The following MEGF11 variants were observed in gnomAD, a reference collection of about 807,000 sequenced individuals.
MEGF11 encodes the protein multiple EGF like domains 11, also known as multiple epidermal growth factor-like domains protein 11.
In MEGF11, 126 loss-of-function variants were observed where a neutral mutation model predicts 146.6. That is an observed-to-expected ratio of 0.86 (90% CI 0.74 to 1.00). The LOEUF is 1.00. Ranked by LOEUF, MEGF11 falls within the 50% of genes least tolerant of loss-of-function variation. MEGF11 has a pLI of 0.00. For missense variants in MEGF11, 1,509 were observed against 1,521.2 expected (o/e 0.99, Z 0.13); for synonymous variants, 532 against 583.4 (o/e 0.91, Z 1.27).
chr15:65,968,043 GTCTT>G (rs2081171036), intron 8 of MEGF11, among the ~76,000 whole-genome samples: 1 of 152,190 alleles, frequency 6.6e-6, no homozygotes, highest in Admixed American at 6.5e-5. Context: ...ACCCCAGATT[GTCTT>G]TCTGCAAATC....
At chr15:66,175,929 C>T (rs1348778395) in intron 1 of MEGF11, among the ~76,000 whole-genome samples, 1 of 152,090 alleles carries the variant, frequency 6.6e-6, no homozygotes, top group Non-Finnish European at 1.5e-5. Flanking sequence ...GGACAAGGGA[C>T]TAATATCCAG....
At chr15:66,009,050 C>G (rs573571678) in intron 5 of MEGF11, among the ~76,000 whole-genome samples, 1 of 152,146 alleles carries the variant, frequency 6.6e-6, no homozygotes, top group Non-Finnish European at 1.5e-5. Flanking sequence ...GCTTTTCACT[C>G]TTACATTCTA....
intron 9 of MEGF11, among the ~76,000 whole-genome samples, chr15:65,964,270 C>T (rs189591662): frequency 1.1e-3 from 160 of 152,312 alleles, no homozygotes; most frequent in African/African-American, 3.7e-3. Flanking sequence ...CCCGGATGTC[C>T]CCAAGCCACA....
At chr15:66,133,290 G>A (rs2088735187) in intron 1 of MEGF11, among the ~76,000 whole-genome samples, 5 of 152,196 alleles carry the variant, frequency 3.3e-5, no homozygotes, top group Admixed American at 3.3e-4. Context: ...TGAAGCACAG[G>A]CAGTAGCTCA....
At chr15:65,971,438 C>T (rs143832260) in intron 7 of MEGF11, among the ~76,000 whole-genome samples, 24 of 152,256 alleles carry the variant, frequency 1.6e-4, no homozygotes, top group Admixed American at 3.3e-4. Flanking sequence ...AATCTCTGCC[C>T]CCACCTTGAA....
intron 24 of MEGF11, among the ~76,000 whole-genome samples, chr15:65,901,574 A>G (rs897784453): frequency 6.6e-6 from 1 of 151,974 alleles, no homozygotes; most frequent in African/African-American, 2.4e-5. Flanking sequence ...CTTGTTATCC[A>G]GTGCTCCTGT....
chr15:65,911,575 C>A (rs935665767), intron 21 of MEGF11, among the ~76,000 whole-genome samples: 1 of 152,166 alleles, frequency 6.6e-6, no homozygotes, highest in African/African-American at 2.4e-5. Flanking sequence ...CCATGCCCAG[C>A]TAATTTTTTG....
In MEGF11 at chr15:66,221,615, C is replaced by CTTTTTTTTTTTTTTTTTTTTTTTTTTT. The variant is rs1555483660; in HGVS notation, c.-9+31989_-9+31990insAAAAAAAAAAAAAAAAAAAAAAAAAAA. On this transcript the variant is annotated intron_variant, in intron 1 of 25. Coordinates refer to ENST00000395614, the MANE Select transcript of MEGF11 (RefSeq NM_001385028.1). ...GGGGAGGGAGCGGGGACAGACCTCT[C>CTTTTTTTTTTTTTTTTTTTTTTTTTTT]TTTATTTGAGTATATGTCTCTCCAA... is the stretch of plus-strand genomic sequence containing the variant. Among the ~76,000 whole-genome samples the CTTTTTTTTTTTTTTTTTTTTTTTTTTT allele has an allele frequency of 3.1e-4, 46 of 149,690 alleles. 1 individual carries two copies. Among genetic ancestry groups the CTTTTTTTTTTTTTTTTTTTTTTTTTTT allele is most frequent in the African/African-American group, 5.4e-4 (22 of 40,606 alleles).
chr15:66,043,385 A>G (rs532421905), intron 5 of MEGF11, among the ~76,000 whole-genome samples: 1 of 152,230 alleles, frequency 6.6e-6, no homozygotes, highest in East Asian at 1.9e-4. Flanking sequence ...GTCCTGGGGG[A>G]CTGAACTGGC....
chr15:65,990,693 G>GAGAA (rs1289726323), intron 5 of MEGF11, among the ~76,000 whole-genome samples: 2 of 129,228 alleles, frequency 1.5e-5, no homozygotes, highest in African/African-American at 3.1e-5. Flanking sequence ...AAGAAAGGAA[G>GAGAA]AGAAAGAAAG....
At chr15:65,995,661 G>T (rs769574267) in intron 5 of MEGF11, among the ~76,000 whole-genome samples, 9 of 152,206 alleles carry the variant, frequency 5.9e-5, no homozygotes, top group Non-Finnish European at 1.3e-4. Context: ...CAAGATTCCT[G>T]TCCTTTCTGT....
intron 4 of MEGF11, among the ~76,000 whole-genome samples, chr15:66,110,101 C>A (rs935533017): frequency 1.3e-5 from 2 of 152,092 alleles, no homozygotes; most frequent in African/African-American, 4.8e-5. Context: ...CCCAAACAGG[C>A]GGAGTTCCAG....
At chr15:66,021,033 A>T in intron 5 of MEGF11, among the ~76,000 whole-genome samples, 1 of 134,910 alleles carries the variant, frequency 7.4e-6, no homozygotes. Context: ...AAAAAAAAAA[A>T]AAAAAAAAAA....
At chr15:66,244,557 T>C (rs2092267205) in intron 1 of MEGF11, among the ~76,000 whole-genome samples, 2 of 152,132 alleles carry the variant, frequency 1.3e-5, no homozygotes, top group African/African-American at 4.8e-5. Flanking sequence ...GATGACCCTG[T>C]TCCTCACTCC....
At chr15:66,025,864 C>T (rs533888996) in intron 5 of MEGF11, among the ~76,000 whole-genome samples, 80 of 152,270 alleles carry the variant, frequency 5.3e-4, no homozygotes, top group African/African-American at 1.8e-3. Flanking sequence ...AATTCCTGGC[C>T]CACCTATTTC....
At chr15:66,056,040 CAT>C (rs1423120922) in intron 5 of MEGF11, among the ~76,000 whole-genome samples, 1 of 152,092 alleles carries the variant, frequency 6.6e-6, no homozygotes, top group Non-Finnish European at 1.5e-5. Context: ...GCAGCAGCAC[CAT>C]ATGTGAGCGT....
chr15:66,037,589 T>A (rs2083772181), intron 5 of MEGF11, among the ~76,000 whole-genome samples: 1 of 152,154 alleles, frequency 6.6e-6, no homozygotes, highest in South Asian at 2.1e-4. Flanking sequence ...ATTCTCCTGG[T>A]CCCATCATAG....
At chr15:66,075,707 C>G (rs561623483) in intron 5 of MEGF11, among the ~76,000 whole-genome samples, 1 of 152,322 alleles carries the variant, frequency 6.6e-6, no homozygotes, top group East Asian at 1.9e-4. Context: ...GGACCCAGAA[C>G]AGTGGGTGTT....
chr15:65,975,506 C>G (rs2081417385), intron 7 of MEGF11, among the ~76,000 whole-genome samples: 1 of 152,164 alleles, frequency 6.6e-6, no homozygotes, highest in African/African-American at 2.4e-5. Flanking sequence ...ATCTCTAGTC[C>G]TCTTCCCTGG....
Sources: gnomAD v4.1 joint callset for allele counts (sites outside exome capture counted in the v4.1 genomes callset) on GRCh38, gnomAD v4.1.1 for gene constraint, MANE v1.5 for transcripts, NCBI Gene and HGNC (gene_info 2026-07-23, HGNC 2026-07-21) for gene names.